PAFAH1B1: variants seen among roughly 807,000 people sequenced by gnomAD.
PAFAH1B1 encodes platelet-activating factor acetylhydrolase IB subunit beta.
In PAFAH1B1, 2 loss-of-function variants were observed where a neutral mutation model predicts 57.5. The ratio of observed to expected loss-of-function variants is 0.03; its 90% CI spans 0.01 to 0.11. The LOEUF (loss-of-function observed/expected upper bound fraction) is 0.11, where lower values mean the gene tolerates loss of function less well. PAFAH1B1 is among the 10% of genes least tolerant of loss of function. PAFAH1B1 has a pLI of 1.00. For missense variants in PAFAH1B1, 257 were observed against 512.0 expected, an observed-to-expected ratio of 0.50 and a Z score of 4.81; for synonymous variants, 152 against 169.6, an observed-to-expected ratio of 0.90 and a Z score of 0.81.
rs549487737 is a variant in PAFAH1B1 at position 2,660,565 on chromosome 17, G to A, written c.33-4807G>A. ...GGTGGCTTCTAGCTTCATCCATGTC[G>A]CCACAAAGGACATGATCTCATTCCT... On this transcript the variant is annotated intron_variant, in intron 2 of 10. Coordinates refer to ENST00000397195, the MANE Select transcript of PAFAH1B1 (RefSeq NM_000430.4). Among the ~76,000 whole-genome samples, 11 of 152,192 alleles carry A rather than the reference G, an allele frequency of 7.2e-5. No individual in the cohort carries two copies. In the South Asian group the frequency reaches 1.2e-3, roughly 17 times the overall value.
At chr17:2,668,833 G>A (rs201896767) in intron 5 of PAFAH1B1, among the ~76,000 whole-genome samples, 2 of 152,000 alleles carry the variant, frequency 1.3e-5, no homozygotes, top group East Asian at 1.9e-4. Flanking sequence ...AAAATTAGCC[G>A]GGAGTGATGG....
At chr17:2,652,206 C>G (rs12051672) in intron 2 of PAFAH1B1, among the ~76,000 whole-genome samples, 88,606 of 151,556 alleles carry the variant, frequency 0.58, 28,451 homozygotes, top group East Asian at 0.88. Flanking sequence ...GTCAGGAGAT[C>G]GAGACCATCC....
chr17:2,613,085 A>G (rs1200247064), intron 1 of PAFAH1B1, among the ~76,000 whole-genome samples: 2 of 148,448 alleles, frequency 1.3e-5, no homozygotes, highest in Non-Finnish European at 3.0e-5. Flanking sequence ...TTTAGTGTCC[A>G]TAAAGTTTTG....
chr17:2,613,986 G>C (rs2068303147), intron 1 of PAFAH1B1: 1 of 166,982 alleles, frequency 6.0e-6, no homozygotes, highest in African/African-American at 2.5e-5. Context: ...GCAATGAGCG[G>C]CCTCTTTATA....
intron 9 of PAFAH1B1, among the ~76,000 whole-genome samples, chr17:2,678,765 G>A (rs2069315947): frequency 6.6e-6 from 1 of 151,946 alleles, no homozygotes; most frequent in Admixed American, 6.6e-5. Flanking sequence ...CATGCCTATA[G>A]TCCTAGCTAC....
intron 1 of PAFAH1B1, among the ~76,000 whole-genome samples, chr17:2,625,125 C>T (rs533200340): frequency 9.9e-5 from 15 of 151,748 alleles, no homozygotes; most frequent in African/African-American, 1.9e-4. Context: ...ATAGCAGATA[C>T]GTGGATATAG....
At chr17:2,596,962 G>A (rs1436233228) in intron 1 of PAFAH1B1, among the ~76,000 whole-genome samples, 1 of 152,152 alleles carries the variant, frequency 6.6e-6, no homozygotes, top group Non-Finnish European at 1.5e-5. Flanking sequence ...TGGGGAGGCT[G>A]AGACAGGAGA....
chr17:2,608,804 C>T (rs2068234480), intron 1 of PAFAH1B1, among the ~76,000 whole-genome samples: 1 of 152,112 alleles, frequency 6.6e-6, no homozygotes, highest in East Asian at 1.9e-4. Context: ...CAGAATTCAC[C>T]CTTAGGTTAA....
intron 9 of PAFAH1B1, among the ~76,000 whole-genome samples, chr17:2,676,890 C>A (rs545984535): frequency 1.3e-5 from 2 of 152,066 alleles, no homozygotes; most frequent in Non-Finnish European, 2.9e-5. Flanking sequence ...CGGCCGGGCG[C>A]GGTGGCTTAC....
At chr17:2,637,831 G>C (rs897998228) in intron 1 of PAFAH1B1, among the ~76,000 whole-genome samples, 4 of 152,178 alleles carry the variant, frequency 2.6e-5, no homozygotes, top group African/African-American at 4.8e-5. Flanking sequence ...GAAATCAAAT[G>C]TATCTGGCAG....
intron 8 of PAFAH1B1, chr17:2,676,251 GC>G: frequency 2.4e-6 from 1 of 420,128 alleles, no homozygotes; most frequent in Non-Finnish European, 4.4e-6. Flanking sequence ...GGTGGTGCGT[GC>G]CTGTAATCAC....
chr17:2,626,984 G>A (rs2068502238), intron 1 of PAFAH1B1, among the ~76,000 whole-genome samples: 1 of 152,146 alleles, frequency 6.6e-6, no homozygotes, highest in African/African-American at 2.4e-5. Flanking sequence ...TGTAGATTCT[G>A]GATATCAGTC....
intron 2 of PAFAH1B1, among the ~76,000 whole-genome samples, chr17:2,645,889 C>T (rs988362501): frequency 6.6e-6 from 1 of 151,876 alleles, no homozygotes; most frequent in African/African-American, 2.4e-5. Context: ...CAGGCATGAG[C>T]CACCACGCCT....
intron 1 of PAFAH1B1, among the ~76,000 whole-genome samples, chr17:2,633,472 TTTC>T (rs962012526): frequency 2.7e-5 from 4 of 150,660 alleles, no homozygotes; most frequent in African/African-American, 9.7e-5. Context: ...CCAGCCAGGA[TTTC>T]TTTTTTTTTT....
intron 3 of PAFAH1B1, 94 bp downstream of exon 3, chr17:2,665,550 GTTA>G: frequency 1.3e-6 from 1 of 764,520 alleles, no homozygotes; most frequent in Non-Finnish European, 2.3e-6. Context: ...TTTGTCATTT[GTTA>G]TTGTGGTCTA....
chr17:2,621,129 C>T (rs1474097875), intron 1 of PAFAH1B1, among the ~76,000 whole-genome samples: 2 of 151,862 alleles, frequency 1.3e-5, no homozygotes, highest in Non-Finnish European at 2.9e-5. Context: ...TTTGAAACTA[C>T]CTTTTTTTTT....
At chr17:2,633,232 A>G (rs2068577719) in intron 1 of PAFAH1B1, among the ~76,000 whole-genome samples, 1 of 150,240 alleles carries the variant, frequency 6.7e-6, no homozygotes, top group African/African-American at 2.5e-5. Flanking sequence ...CAGTGATGCA[A>G]TCTCAGCTCA....
At chr17:2,604,458 C>T (rs182228608) in intron 1 of PAFAH1B1, among the ~76,000 whole-genome samples, 87 of 152,172 alleles carry the variant, frequency 5.7e-4, no homozygotes, top group African/African-American at 1.9e-3. Flanking sequence ...TATTTCAGGG[C>T]CCATCAAATC....
chr17:2,663,775 G>A lies in PAFAH1B1; in HGVS notation c.33-1597G>A, dbSNP rs1323640971. ...TGCAGTGGTGCAGTCTCAGCTCACT[G>A]CAACCTTTGCCTCCCGGGTTCAAGC... is the stretch of plus-strand genomic sequence containing the variant. On this transcript the variant is annotated intron_variant, in intron 2 of 10. Transcript: ENST00000397195. 1.3e-4 allele frequency among the ~76,000 whole-genome samples: 20 copies of A among 150,442 alleles called. No homozygotes were observed. The Admixed American group carries it at 1.3e-3, about 10-fold the overall frequency.
Sources: gnomAD v4.1 joint callset for allele counts (sites outside exome capture counted in the v4.1 genomes callset) on GRCh38, gnomAD v4.1.1 for gene constraint, MANE v1.5 for transcripts, NCBI Gene and HGNC (gene_info 2026-07-23, HGNC 2026-07-21) for gene names.